The following UBE2D3 variants were observed in gnomAD, a reference collection of about 807,000 sequenced individuals.
The protein encoded by UBE2D3 is ubiquitin conjugating enzyme E2 D3, also known as ubiquitin-conjugating enzyme E2 D3.
Under a neutral mutation model 22.8 loss-of-function variants are expected in UBE2D3, and 2 were observed. The observed-to-expected ratio is 0.09, with a 90% CI of 0.04 to 0.28. UBE2D3 has a LOEUF of 0.28. Among genes scored for constraint, UBE2D3 ranks in the 10% least tolerant of loss-of-function variants. The pLI is 1.00. For missense variants in UBE2D3, 27 were observed against 182.5 expected, an observed-to-expected ratio of 0.15 and a Z score of 4.91; for synonymous variants, 56 against 60.4, an observed-to-expected ratio of 0.93 and a Z score of 0.34.
intron 1 of UBE2D3, among the ~76,000 whole-genome samples, chr4:102,860,346 T>C (rs1732827544): frequency 6.7e-6 from 1 of 149,024 alleles, no homozygotes; most frequent in African/African-American, 2.5e-5. Flanking sequence ...TTGGTGTGTG[T>C]GTGTGTGTGT....
chr4:102,868,696 G>C, intron 1 of UBE2D3: 1 of 1,614,040 alleles, frequency 6.2e-7, no homozygotes, highest in South Asian at 1.1e-5. Context: ...GGACGAAGTA[G>C]AGACAGCAAG....
chr4:102,821,494 T>C (rs223397), intron 2 of UBE2D3, among the ~76,000 whole-genome samples: 89,172 of 151,962 alleles, frequency 0.59, 27,850 homozygotes, highest in African/African-American at 0.82. Context: ...CTTTACTCCC[T>C]TGTATCTGTG....
chr4:102,854,268 A>G (rs916847801), intron 1 of UBE2D3, among the ~76,000 whole-genome samples: 3 of 152,076 alleles, frequency 2.0e-5, no homozygotes, highest in African/African-American at 7.2e-5. Context: ...ACAAATGTGT[A>G]TATTTTTTAA....
chr4:102,810,915 AAACT>A (rs778180088), intron 2 of UBE2D3: 33 of 152,226 alleles, frequency 2.2e-4, no homozygotes, highest in Non-Finnish European at 4.7e-4. Flanking sequence ...CAACATTTTC[AAACT>A]AACAGTTTCT....
At chr4:102,806,633 T>C (rs2110271477) in intron 4 of UBE2D3, among the ~76,000 whole-genome samples, 1 of 152,328 alleles carries the variant, frequency 6.6e-6, no homozygotes, top group Middle Eastern at 3.4e-3. Flanking sequence ...TCAGATACTT[T>C]CACATTTTTC....
intron 1 of UBE2D3, among the ~76,000 whole-genome samples, chr4:102,848,822 A>C (rs1732181610): frequency 6.6e-6 from 1 of 151,878 alleles, no homozygotes; most frequent in African/African-American, 2.4e-5. Flanking sequence ...TTGTCTCAAA[A>C]AAAAGTAAAC....
upstream of UBE2D3, among the ~76,000 whole-genome samples, chr4:102,828,513 A>T (rs148737259): frequency 2.0e-5 from 3 of 152,312 alleles, no homozygotes; most frequent in Admixed American, 6.5e-5. Flanking sequence ...GTCAAGCTCA[A>T]TTGAGTGGAT....
In UBE2D3 at chr4:102,797,477, T is replaced by G. The variant is rs375395912; in HGVS notation, c.399-17A>C. On this transcript the variant is annotated splice_polypyrimidine_tract_variant and intron_variant, in intron 7 of 7. Coordinates refer to ENST00000453744, the MANE Select transcript of UBE2D3 (RefSeq NM_181891.3). ...CTGTTGTACCTGTAAATAAAGATGT[T>G]ATTTTTAAAAGTTAAAATAAAGAAT... 3 of 1,587,208 alleles carry G rather than the reference T, an allele frequency of 1.9e-6. No individual in the cohort carries two copies. The African/African-American group carries it at 4.1e-5, about 22-fold the overall frequency.
At chr4:102,822,989 G>C (rs142445039) in intron 2 of UBE2D3, among the ~76,000 whole-genome samples, 133 of 152,226 alleles carry the variant, frequency 8.7e-4, no homozygotes, top group African/African-American at 3.1e-3. Context: ...TTGAGCTTTT[G>C]GTGCCTATCT....
intron 4 of UBE2D3, among the ~76,000 whole-genome samples, chr4:102,802,851 C>T (rs1429739891): frequency 2.0e-5 from 3 of 152,178 alleles, no homozygotes; most frequent in Admixed American, 6.5e-5. Context: ...TCATTTTACA[C>T]GTCACCAAAA....
chr4:102,853,160 T>TTTTTC (rs1732455131), intron 1 of UBE2D3, among the ~76,000 whole-genome samples: 1 of 138,334 alleles, frequency 7.2e-6, no homozygotes, highest in Non-Finnish European at 1.5e-5. Flanking sequence ...TTTTTTTTTT[T>TTTTTC]GAGACGGAGT....
chr4:102,806,382 C>T (rs1266334460), intron 4 of UBE2D3, among the ~76,000 whole-genome samples: 1 of 152,024 alleles, frequency 6.6e-6, no homozygotes, highest in Non-Finnish European at 1.5e-5. Context: ...ACCCATATAT[C>T]TAACATTTAC....
chr4:102,820,183 C>T (rs1010507262), intron 2 of UBE2D3, among the ~76,000 whole-genome samples: 1 of 152,184 alleles, frequency 6.6e-6, no homozygotes, highest in African/African-American at 2.4e-5. Flanking sequence ...ATCAGGCAGA[C>T]AGTAACTACT....
At chr4:102,867,356 A>G (rs1250530615) in intron 1 of UBE2D3, among the ~76,000 whole-genome samples, 1 of 152,218 alleles carries the variant, frequency 6.6e-6, no homozygotes, top group East Asian at 1.9e-4. Context: ...TGTCATACAC[A>G]ATGAAATACT....
chr4:102,827,527 A>G lies in UBE2D3; in HGVS notation c.-229T>C. The G allele has an allele frequency of 1.0e-6, 1 of 985,944 alleles. No homozygotes were observed. The highest frequency in any genetic ancestry group is 1.2e-6 in the Non-Finnish European group (1 of 830,082). The allele number at this position is 985,944 out of a possible 1,614,324, so 61.1% of individuals were successfully genotyped here. A position where few individuals can be genotyped will look rare whatever the true frequency, so the allele number is the denominator to read the frequency against. On this transcript the variant is annotated 5_prime_UTR_variant, in exon 1 of 8. Transcript: ENST00000453744. ...CGGGGCTCACGCGCACGACACAGCCACAAGATGTCCGCTCTGACGGAACTA... is the reference window on the plus strand; with the variant it reads ...CGGGGCTCACGCGCACGACACAGCCGCAAGATGTCCGCTCTGACGGAACTA...
chr4:102,809,210 CTAAA>C (rs1727563661), intron 4 of UBE2D3: 1 of 287,272 alleles, frequency 3.5e-6, no homozygotes, highest in Non-Finnish European at 7.5e-6. Context: ...CACTTTCTGC[CTAAA>C]TATATTCAAA....
intron 1 of UBE2D3, chr4:102,868,639 C>T: frequency 2.5e-6 from 4 of 1,608,634 alleles, no homozygotes; most frequent in South Asian, 2.2e-5. Flanking sequence ...GTATGCAACC[C>T]TAGGGCCACA....
chr4:102,844,955 G>C (rs1731964036), intron 1 of UBE2D3, among the ~76,000 whole-genome samples: 1 of 151,276 alleles, frequency 6.6e-6, no homozygotes. Flanking sequence ...CTGGGAGGCG[G>C]GGCTTGCAGT....
At position 102,795,218 on chromosome 4, in the gene UBE2D3, AG is replaced by A. The variant is rs1384600329; in HGVS notation, c.*2196del. The A allele has an allele frequency of 6.6e-6, 1 of 152,000 alleles. No homozygotes were observed. The highest frequency in any genetic ancestry group is 2.4e-5 in the African/African-American group (1 of 41,442). 9.4% of individuals were successfully genotyped at this position (152,000 alleles called of 1,614,324 possible). A position where few individuals can be genotyped will look rare whatever the true frequency, so the allele number is the denominator to read the frequency against. Reference sequence around the variant, plus strand: ...ATCCACTAATTGTTATGACAATCAAAGAAGTCATCTCCGTAAATACCTAAGG... The same window carrying A: ...ATCCACTAATTGTTATGACAATCAAAAAGTCATCTCCGTAAATACCTAAGG... On this transcript the variant is annotated 3_prime_UTR_variant, in exon 8 of 8. Coordinates refer to ENST00000453744, the MANE Select transcript of UBE2D3 (RefSeq NM_181891.3).
Sources: allele counts gnomAD v4.1 joint callset (sites outside exome capture counted in the v4.1 genomes callset), GRCh38; gene constraint gnomAD v4.1.1; transcripts MANE v1.5; gene names NCBI Gene and HGNC (gene_info 2026-07-23, HGNC 2026-07-21).